Variants in ZNF892 observed in about 807,000 individuals in gnomAD.
ZNF892 encodes zinc finger protein 892.
the ZNF892 span, among the ~76,000 whole-genome samples, chr2:95,216,802 T>G: frequency 6.6e-6 from 1 of 152,216 alleles, no homozygotes; most frequent in Non-Finnish European, 1.5e-5. Context: ...TGGGAGATTT[T>G]CAGCCCTCAT....
the ZNF892 span, among the ~76,000 whole-genome samples, chr2:95,224,567 G>C: frequency 6.6e-6 from 1 of 152,074 alleles, no homozygotes; most frequent in African/African-American, 2.4e-5. Context: ...AAAACAACCA[G>C]ATCTCATGAG....
chr2:95,222,161 T>C, the ZNF892 span, among the ~76,000 whole-genome samples: 2 of 152,236 alleles, frequency 1.3e-5, no homozygotes, highest in African/African-American at 4.8e-5. Context: ...GCTTTGATTT[T>C]CATCAGTGTT....
the ZNF892 span, among the ~76,000 whole-genome samples, chr2:95,262,788 G>A: frequency 5.1e-4 from 77 of 152,318 alleles, no homozygotes; most frequent in Non-Finnish European, 8.1e-4. Flanking sequence ...GTTATTTGGA[G>A]TTTTCTGACG....
At chr2:95,222,909 AT>A in the ZNF892 span, among the ~76,000 whole-genome samples, 13 of 152,308 alleles carry the variant, frequency 8.5e-5, no homozygotes. Context: ...ATTTTAGGTA[AT>A]TTTTATATAA....
the ZNF892 span, among the ~76,000 whole-genome samples, chr2:95,208,322 C>T: frequency 6.6e-6 from 1 of 152,134 alleles, no homozygotes; most frequent in African/African-American, 2.4e-5. Flanking sequence ...ATCCTGTGAG[C>T]CTGGAATACA....
the ZNF892 span, among the ~76,000 whole-genome samples, chr2:95,237,340 G>C: frequency 6.6e-6 from 1 of 152,076 alleles, no homozygotes; most frequent in Non-Finnish European, 1.5e-5. Flanking sequence ...TAGAGACAGA[G>C]TTTCACCATG....
the ZNF892 span, among the ~76,000 whole-genome samples, chr2:95,224,914 C>T: frequency 6.6e-6 from 1 of 152,232 alleles, no homozygotes; most frequent in African/African-American, 2.4e-5. Context: ...CCTCTTGCTC[C>T]TCTATTGCCC....
At chr2:95,247,599 A>C in the ZNF892 span, among the ~76,000 whole-genome samples, 1 of 152,234 alleles carries the variant, frequency 6.6e-6, no homozygotes, top group Non-Finnish European at 1.5e-5. Context: ...AAATATTAAC[A>C]AACTATGCAT....
At chr2:95,220,002 C>G in the ZNF892 span, among the ~76,000 whole-genome samples, 1 of 152,116 alleles carries the variant, frequency 6.6e-6, no homozygotes, top group East Asian at 1.9e-4. Context: ...TGGTATAAGT[C>G]CTGACCCCCC....
At chr2:95,220,009 C>A in the ZNF892 span, among the ~76,000 whole-genome samples, 4 of 152,136 alleles carry the variant, frequency 2.6e-5, no homozygotes, top group African/African-American at 4.8e-5. Flanking sequence ...AGTCCTGACC[C>A]CCCACTTGGC....
chr2:95,244,485 C>T, the ZNF892 span, among the ~76,000 whole-genome samples: 1 of 151,882 alleles, frequency 6.6e-6, no homozygotes, highest in East Asian at 1.9e-4. Flanking sequence ...TTCAATTAAA[C>T]CAAAAGAGCT....
At chr2:95,247,747 A>T in the ZNF892 span, among the ~76,000 whole-genome samples, 2 of 152,218 alleles carry the variant, frequency 1.3e-5, no homozygotes, top group African/African-American at 2.4e-5. Flanking sequence ...AAAATGCCCA[A>T]CATCAGTAAT....
At chr2:95,258,946 A>G in the ZNF892 span, 1 of 152,184 alleles carries the variant, frequency 6.6e-6, no homozygotes, top group Non-Finnish European at 1.5e-5. Flanking sequence ...TAAGGGATCA[A>G]AGGCGGAAAG....
chr2:95,252,478 T>G, the ZNF892 span, among the ~76,000 whole-genome samples: 1 of 152,146 alleles, frequency 6.6e-6, no homozygotes, highest in Non-Finnish European at 1.5e-5. Flanking sequence ...CTTAATCCAG[T>G]CTATCATTGT....
the ZNF892 span, among the ~76,000 whole-genome samples, chr2:95,219,831 T>G: frequency 6.6e-6 from 1 of 152,186 alleles, no homozygotes; most frequent in Non-Finnish European, 1.5e-5. Context: ...GCAGGTGTCC[T>G]TAATACTGCT....
the ZNF892 span, among the ~76,000 whole-genome samples, chr2:95,222,119 G>A: frequency 6.6e-6 from 1 of 151,944 alleles, no homozygotes; most frequent in East Asian, 1.9e-4. Context: ...TTTTTTTTAA[G>A]AGTGGCTCCC....
the ZNF892 span, among the ~76,000 whole-genome samples, chr2:95,248,840 G>A: frequency 3.3e-5 from 5 of 152,006 alleles, no homozygotes; most frequent in African/African-American, 2.4e-5. Context: ...GGAATAACCG[G>A]TCATTTTATT....
At chr2:95,212,603 G>T in the ZNF892 span, among the ~76,000 whole-genome samples, 1 of 152,122 alleles carries the variant, frequency 6.6e-6, no homozygotes, top group Non-Finnish European at 1.5e-5. Context: ...TTTTATCTTT[G>T]CTGGATGCCA....
At chr2:95,235,454 C>T in the ZNF892 span, among the ~76,000 whole-genome samples, 6 of 151,714 alleles carry the variant, frequency 4.0e-5, no homozygotes, top group Admixed American at 2.0e-4. Context: ...CTCCACCTCT[C>T]GGGCTTACGC....
Sources: allele counts gnomAD v4.1 joint callset (sites outside exome capture counted in the v4.1 genomes callset), GRCh38; gene constraint gnomAD v4.1.1; transcripts MANE v1.5; gene names NCBI Gene and HGNC (gene_info 2026-07-23, HGNC 2026-07-21).